SLC25A48: variants seen among roughly 807,000 people sequenced by gnomAD.
SLC25A48 encodes the protein CTC-321K16.1.
SLC25A48 carries 29 observed loss-of-function variants against 32.2 expected under a neutral mutation model. That is an observed-to-expected ratio of 0.90 (90% CI 0.67 to 1.23). The LOEUF is 1.23. Among genes scored for constraint, SLC25A48 ranks in the 50% most tolerant of loss-of-function variants. The pLI is 0.00. For missense variants in SLC25A48, 399 were observed against 422.7 expected, an observed-to-expected ratio of 0.94 and a Z score of 0.49; for synonymous variants, 164 against 172.3, an observed-to-expected ratio of 0.95 and a Z score of 0.38.
At chr5:135,868,136 T>C (rs1021602553) in intron 4 of SLC25A48, among the ~76,000 whole-genome samples, 1 of 152,128 alleles carries the variant, frequency 6.6e-6, no homozygotes, top group Non-Finnish European at 1.5e-5. Flanking sequence ...GAATACAAAG[T>C]ATAGTTCAAT....
intron 1 of SLC25A48, among the ~76,000 whole-genome samples, chr5:135,613,089 T>C (rs899686839): frequency 2.0e-5 from 3 of 152,224 alleles, no homozygotes; most frequent in East Asian, 1.9e-4. Context: ...GCATCTGTTA[T>C]TTTTTGTCTT....
At chr5:135,781,475 G>A (rs1182802626) in intron 3 of SLC25A48, among the ~76,000 whole-genome samples, 1 of 117,042 alleles carries the variant, frequency 8.5e-6, no homozygotes, top group African/African-American at 2.6e-5. Context: ...GGAAGGGAGA[G>A]GATGATATTT....
chr5:135,764,779 A>C (rs1240880308), intron 3 of SLC25A48, among the ~76,000 whole-genome samples: 1 of 148,170 alleles, frequency 6.7e-6, no homozygotes, highest in Non-Finnish European at 1.5e-5. Flanking sequence ...TCATAATATC[A>C]AGGGCGAGAG....
intron 6 of SLC25A48, chr5:135,875,161 T>G (rs1285884786): frequency 6.5e-6 from 1 of 153,818 alleles, no homozygotes; most frequent in Non-Finnish European, 1.4e-5. Context: ...TTTTCTCACA[T>G]GGCTGCCCCA....
At chr5:135,823,466 T>C (rs1757943826) in intron 4 of SLC25A48, among the ~76,000 whole-genome samples, 1 of 152,228 alleles carries the variant, frequency 6.6e-6, no homozygotes. Context: ...ACTTCGTTCC[T>C]GGCCAAGGTG....
chr5:135,617,348 C>T (rs1173346203), intron 1 of SLC25A48, among the ~76,000 whole-genome samples: 5 of 151,884 alleles, frequency 3.3e-5, no homozygotes, highest in Non-Finnish European at 5.9e-5. Flanking sequence ...CTTCTCTTTT[C>T]TTCTAGGTTA....
intron 1 of SLC25A48, 72 bp from the exon 2 acceptor site, chr5:135,842,344 G>T (rs1230838930): frequency 6.5e-7 from 1 of 1,530,386 alleles, no homozygotes; most frequent in East Asian, 2.2e-5. Context: ...TGCCTGTTTT[G>T]TCCCAAGAGC....
Position 135,712,111 on chromosome 5 carries a change from GT to G in SLC25A48, c.-521+77159del, listed in dbSNP as rs1754681545. Among the ~76,000 whole-genome samples, 7 of 152,248 alleles carry G rather than the reference GT, an allele frequency of 4.6e-5. No homozygotes were observed. In the South Asian group the frequency reaches 1.5e-3, roughly 32 times the overall value. On this transcript the variant is annotated intron_variant, in intron 3 of 10. Coordinates refer to the SLC25A48 transcript ENST00000646290. Reference sequence around the variant, plus strand: ...TCTTTTGTTCCAAAGTTTTCTCATTGTTTTCTTTCAGTGGGATTGTATCTCC... The same window carrying G: ...TCTTTTGTTCCAAAGTTTTCTCATTGTTTCTTTCAGTGGGATTGTATCTCC...
intron 3 of SLC25A48, among the ~76,000 whole-genome samples, chr5:135,778,610 A>G (rs1580869470): frequency 6.7e-6 from 1 of 150,062 alleles, no homozygotes; most frequent in South Asian, 2.1e-4. Flanking sequence ...GGCGGTGTAC[A>G]CCCCTTCCAA....
chr5:135,652,800 A>G (rs73283267), intron 3 of SLC25A48, among the ~76,000 whole-genome samples: 10,541 of 152,266 alleles, frequency 0.069, 728 homozygotes, highest in African/African-American at 0.18. Context: ...AGGAGCTACA[A>G]CTATGATTTC....
chr5:135,618,674 A>T (rs1047366512), intron 1 of SLC25A48, among the ~76,000 whole-genome samples: 9 of 152,036 alleles, frequency 5.9e-5, no homozygotes, highest in Non-Finnish European at 1.3e-4. Context: ...TTTCTTGTAG[A>T]GCTGGTCCAG....
intron 1 of SLC25A48, among the ~76,000 whole-genome samples, chr5:135,592,047 A>C (rs1005386369): frequency 1.3e-5 from 2 of 152,190 alleles, no homozygotes; most frequent in African/African-American, 4.8e-5. Flanking sequence ...CTCAAAGAGA[A>C]CCAGCTCTGC....
At chr5:135,882,263 G>C (rs1257977564) in intron 7 of SLC25A48, among the ~76,000 whole-genome samples, 1 of 152,192 alleles carries the variant, frequency 6.6e-6, no homozygotes, top group African/African-American at 2.4e-5. Context: ...TCTTGCCCAT[G>C]GCATTCAACT....
At chr5:135,860,006 G>A (rs1190547728) in intron 4 of SLC25A48, among the ~76,000 whole-genome samples, 1 of 152,112 alleles carries the variant, frequency 6.6e-6, no homozygotes, top group African/African-American at 2.4e-5. Flanking sequence ...GCAGAATTCA[G>A]GCTCCTCTCC....
At chr5:135,659,535 A>G (rs1332649004) in intron 3 of SLC25A48, among the ~76,000 whole-genome samples, 1 of 152,184 alleles carries the variant, frequency 6.6e-6, no homozygotes, top group Non-Finnish European at 1.5e-5. Flanking sequence ...ACCTCTGCTC[A>G]TTATCCAGTT....
intron 3 of SLC25A48, among the ~76,000 whole-genome samples, chr5:135,658,951 T>G (rs909887011): frequency 2.0e-5 from 3 of 152,214 alleles, no homozygotes; most frequent in Non-Finnish European, 4.4e-5. Context: ...ATTTTTTCCC[T>G]CTTATGCCTC....
At chr5:135,623,857 C>A (rs1206378323) in intron 1 of SLC25A48, among the ~76,000 whole-genome samples, 1 of 152,180 alleles carries the variant, frequency 6.6e-6, no homozygotes, top group African/African-American at 2.4e-5. Context: ...TCTGAGAACA[C>A]AGGTTGTCAT....
chr5:135,610,974 C>T (rs193045263), intron 1 of SLC25A48, among the ~76,000 whole-genome samples: 9 of 152,160 alleles, frequency 5.9e-5, no homozygotes, highest in African/African-American at 1.2e-4. Context: ...ACTTACAAAG[C>T]GCAGAAACTC....
chr5:135,597,750 C>T (rs1972505), intron 1 of SLC25A48, among the ~76,000 whole-genome samples: 70,836 of 151,986 alleles, frequency 0.47, 17,012 homozygotes, highest in African/African-American at 0.59. Context: ...ACGCCTATAA[C>T]ACTAGTACTT....
Sources: allele counts gnomAD v4.1 joint callset (sites outside exome capture counted in the v4.1 genomes callset), GRCh38; gene constraint gnomAD v4.1.1; transcripts MANE v1.5; gene names NCBI Gene and HGNC (gene_info 2026-07-23, HGNC 2026-07-21).